Variants in GABRB2 observed in about 807,000 individuals in gnomAD.
GABRB2 encodes gamma-aminobutyric acid receptor subunit beta-2.
GABRB2 carries 16 observed loss-of-function variants against 54.7 expected under a neutral mutation model. The ratio of observed to expected loss-of-function variants is 0.29; its 90% CI spans 0.20 to 0.44. The LOEUF is 0.44. GABRB2 is among the 20% of genes least tolerant of loss of function. The pLI is 1.00. For synonymous variants in GABRB2, 244 were observed against 233.8 expected, an observed-to-expected ratio of 1.04 and a Z score of -0.40; for missense variants, 355 against 644.0, an observed-to-expected ratio of 0.55 and a Z score of 4.86.
At position 161,326,400 on chromosome 5, in the gene GABRB2, G is replaced by T; in HGVS notation, c.1159C>A (p.Arg387=). The T allele has an allele frequency of 1.2e-6, 2 of 1,613,582 alleles. No homozygotes were observed. Among genetic ancestry groups the T allele is most frequent in the Non-Finnish European group, 1.7e-6 (2 of 1,179,620 alleles). The change falls in exon 9 of 10, where the codon CGG becomes AGG. Residue 387 remains arginine, a synonymous_variant. Coordinates refer to ENST00000393959, the MANE Select transcript of GABRB2 (RefSeq NM_001371727.1). ...DPTGNLSPTR[R]TTNYDFSLYT... ...AGAGAGAAATCGTAATTGGTAGTCC[G>T]TCTAGTTGGGGAGAGGTTTCCAGTA...
chr5:161,429,357 A>AAAAAAAAAAAAT (rs1402875797), intron 4 of GABRB2, among the ~76,000 whole-genome samples: 3 of 108,248 alleles, frequency 2.8e-5, no homozygotes, highest in African/African-American at 9.9e-5. Flanking sequence ...AAAAAAAAAA[A>AAAAAAAAAAAAT]AGAAAAAGAA....
intron 3 of GABRB2, among the ~76,000 whole-genome samples, chr5:161,540,026 G>A (rs759489639): frequency 1.6e-4 from 24 of 152,278 alleles, no homozygotes; most frequent in Admixed American, 6.5e-4. Flanking sequence ...AAACGCTGGC[G>A]TGGCTGAGAC....
intron 3 of GABRB2, among the ~76,000 whole-genome samples, chr5:161,500,983 C>G (rs796663047): frequency 4.6e-5 from 7 of 152,158 alleles, no homozygotes; most frequent in East Asian, 3.9e-4. Flanking sequence ...ATCCCTCCCC[C>G]CTCCTCCCAC....
chr5:161,429,240 AGGAGGCT>A (rs974999692), intron 4 of GABRB2, among the ~76,000 whole-genome samples: 5 of 149,142 alleles, frequency 3.4e-5, no homozygotes, highest in African/African-American at 9.8e-5. Context: ...CCATCTACTT[AGGAGGCT>A]GAAGCAGGAG....
chr5:161,425,932 T>C (rs1040820190), intron 4 of GABRB2, among the ~76,000 whole-genome samples: 1 of 152,134 alleles, frequency 6.6e-6, no homozygotes, highest in African/African-American at 2.4e-5. Flanking sequence ...TCAATCTTCA[T>C]AAAGGGTAAC....
At chr5:161,435,084 T>C (rs537774522) in intron 4 of GABRB2, among the ~76,000 whole-genome samples, 1 of 152,332 alleles carries the variant, frequency 6.6e-6, no homozygotes, top group South Asian at 2.1e-4. Flanking sequence ...GTCTAGTTAT[T>C]ATTATAGATT....
intron 4 of GABRB2, among the ~76,000 whole-genome samples, chr5:161,458,554 T>C (rs1459211354): frequency 6.6e-6 from 1 of 152,150 alleles, no homozygotes; most frequent in Non-Finnish European, 1.5e-5. Flanking sequence ...AAAAATGAGA[T>C]AGAATAGACA....
chr5:161,411,508 T>C (rs1034577422), intron 4 of GABRB2, among the ~76,000 whole-genome samples: 2 of 152,202 alleles, frequency 1.3e-5, no homozygotes, highest in African/African-American at 2.4e-5. Flanking sequence ...ATTTTTCACC[T>C]TTCTATACAT....
intron 9 of GABRB2, among the ~76,000 whole-genome samples, chr5:161,323,009 T>A (rs1758256251): frequency 1.3e-5 from 2 of 151,920 alleles, no homozygotes; most frequent in Admixed American, 6.6e-5. Flanking sequence ...TAATACATTT[T>A]TAGTATCTTG....
chr5:161,326,591 C>A, intron 8 of GABRB2, 110 bp from the exon 9 acceptor site: 1 of 1,275,334 alleles, frequency 7.8e-7, no homozygotes. Flanking sequence ...CTTTAGAAAT[C>A]CTTTAGATAA....
chr5:161,387,061 T>C (rs112449595), intron 5 of GABRB2, among the ~76,000 whole-genome samples: 3,644 of 152,108 alleles, frequency 0.024, 143 homozygotes, highest in African/African-American at 0.082. Flanking sequence ...AGAAAATTTA[T>C]ATTTTAGTTT....
At chr5:161,315,723 T>C (rs756220029) in intron 9 of GABRB2, among the ~76,000 whole-genome samples, 1 of 152,198 alleles carries the variant, frequency 6.6e-6, no homozygotes, top group Non-Finnish European at 1.5e-5. Flanking sequence ...TCTTGGTACA[T>C]ACAATGTGTA....
intron 9 of GABRB2, among the ~76,000 whole-genome samples, chr5:161,318,740 G>T (rs983848651): frequency 2.6e-5 from 4 of 151,440 alleles, no homozygotes; most frequent in Admixed American, 2.6e-4. Context: ...AACCACCAAA[G>T]AAATAAAATC....
At chr5:161,298,302 T>C (rs377325735) in intron 9 of GABRB2, among the ~76,000 whole-genome samples, 64 of 152,338 alleles carry the variant, frequency 4.2e-4, no homozygotes, top group African/African-American at 1.5e-3. Flanking sequence ...TTTGTCAATT[T>C]TGGCTTTTGT....
At chr5:161,450,954 T>C (rs1373708523) in intron 4 of GABRB2, among the ~76,000 whole-genome samples, 1 of 152,132 alleles carries the variant, frequency 6.6e-6, no homozygotes, top group African/African-American at 2.4e-5. Context: ...CTCATATTCT[T>C]AATGAAATCT....
intron 4 of GABRB2, among the ~76,000 whole-genome samples, chr5:161,434,894 A>G (rs1757266496): frequency 6.6e-6 from 1 of 152,152 alleles, no homozygotes; most frequent in African/African-American, 2.4e-5. Flanking sequence ...TCAGTCCACT[A>G]TATCCACACT....
At chr5:161,315,418 G>A (rs1041802505) in intron 9 of GABRB2, among the ~76,000 whole-genome samples, 6 of 152,062 alleles carry the variant, frequency 3.9e-5, no homozygotes, top group African/African-American at 1.2e-4. Context: ...CTGGGAGCAT[G>A]TTTCATCAAT....
chr5:161,476,266 A>C (rs765523746), intron 3 of GABRB2, among the ~76,000 whole-genome samples: 11 of 151,926 alleles, frequency 7.2e-5, no homozygotes, highest in Admixed American at 6.6e-4. Flanking sequence ...TGCAAACTGT[A>C]ATATGTGATA....
At chr5:161,452,568 T>G (rs1314812403) in intron 4 of GABRB2, among the ~76,000 whole-genome samples, 1 of 152,132 alleles carries the variant, frequency 6.6e-6, no homozygotes, top group African/African-American at 2.4e-5. Flanking sequence ...TTCAGCTGAG[T>G]TCATTGATAG....
Sources: gnomAD v4.1 joint callset for allele counts (sites outside exome capture counted in the v4.1 genomes callset) on GRCh38, gnomAD v4.1.1 for gene constraint, MANE v1.5 for transcripts, NCBI Gene and HGNC (gene_info 2026-07-23, HGNC 2026-07-21) for gene names.